Variants in LPAR5 observed in about 807,000 individuals in gnomAD.
LPAR5 encodes lysophosphatidic acid receptor 5.
For synonymous variants in LPAR5, 271 were observed against 261.6 expected, an observed-to-expected ratio of 1.04 and a Z score of -0.35; for missense variants, 544 against 521.8, an observed-to-expected ratio of 1.04 and a Z score of -0.41.
intron 1 of LPAR5, among the ~76,000 whole-genome samples, chr12:6,622,792 A>G (rs558024958): frequency 1.3e-5 from 2 of 152,144 alleles, no homozygotes; most frequent in Non-Finnish European, 2.9e-5. Flanking sequence ...TTAGCCAGGC[A>G]TTGTGGCACA....
intron 1 of LPAR5, among the ~76,000 whole-genome samples, chr12:6,630,046 G>A: frequency 6.6e-6 from 1 of 151,906 alleles, no homozygotes; most frequent in African/African-American, 2.4e-5. Context: ...ATAAATAAAT[G>A]TAAAGGTATA....
In LPAR5 at chr12:6,620,144, C is replaced by G. The variant is rs1413138018; in HGVS notation, c.1105G>C (p.Asp369His). 1 of 1,613,662 alleles carries G rather than the reference C, an allele frequency of 6.2e-7. No homozygotes were observed. The highest frequency in any genetic ancestry group is 1.1e-5 in the South Asian group (1 of 91,066). Residue 369 changes from aspartate (D) to histidine (H), a missense_variant, in exon 2 of 2, where the codon GAT becomes CAT. By Grantham distance (81) the Asp-to-His change is moderately conservative (BLOSUM62 -1). Transcript: ENST00000329858. This position sits in a 1 kb window ranked among gnomAD's most constrained non-coding sequence, Gnocchi z 6.8. ...GGCATGTGTGTTCAGAGGGCGGAAT[C>G]CTGGGGACACTGTGTGAAGGAAGAC... ...SLSSFTQCPQ[D>H]SAL
intron 1 of LPAR5, among the ~76,000 whole-genome samples, chr12:6,631,265 C>T (rs969778287): frequency 6.6e-6 from 1 of 152,210 alleles, no homozygotes; most frequent in Admixed American, 6.5e-5. Flanking sequence ...TAACATAGAA[C>T]TCAGTGTCTA....
At chr12:6,633,249 TC>T (rs1000733433) in intron 1 of LPAR5, among the ~76,000 whole-genome samples, 48 of 152,164 alleles carry the variant, frequency 3.2e-4, no homozygotes, top group Non-Finnish European at 1.9e-4. Flanking sequence ...CTGACCTGTG[TC>T]CTGAGGTGGT....
At chr12:6,625,150 G>A (rs867817282) in intron 1 of LPAR5, among the ~76,000 whole-genome samples, 1 of 152,126 alleles carries the variant, frequency 6.6e-6, no homozygotes, top group African/African-American at 2.4e-5. Context: ...TTTAGGCCGG[G>A]CGTGGTGGTT....
intron 1 of LPAR5, among the ~76,000 whole-genome samples, chr12:6,628,447 C>CTTCT: frequency 7.4e-6 from 1 of 134,538 alleles, no homozygotes; most frequent in African/African-American, 2.9e-5. Flanking sequence ...TCTTTCTTTC[C>CTTCT]TTCCTTCCTT....
chr12:6,621,178 A>G lies in LPAR5; in HGVS notation c.71T>C (p.Leu24Pro). The G allele has an allele frequency of 6.4e-7, 1 of 1,572,944 alleles. No homozygotes were observed. Among genetic ancestry groups the G allele is most frequent in the Non-Finnish European group, 8.6e-7 (1 of 1,159,662 alleles). Residue 24 changes from leucine to proline, a missense_variant, in exon 2 of 2, where the codon CTG becomes CCG. Transcript: ENST00000329858. Reference protein sequence around the residue: ...PCPDYRPTHRLHLVVYSLVLA... With the variant: ...PCPDYRPTHRPHLVVYSLVLA... ...CACCAAGCTGTAGACCACCAAGTGC[A>G]GGCGGTGGGTAGGTCGGTAGTCAGG...
intron 1 of LPAR5, among the ~76,000 whole-genome samples, chr12:6,630,569 C>T (rs1045616401): frequency 2.0e-5 from 3 of 149,044 alleles, no homozygotes; most frequent in African/African-American, 7.4e-5. Context: ...TCTCTTGTCT[C>T]AGCCTCCTGA....
At chr12:6,626,645 C>G (rs1948942103) in intron 1 of LPAR5, among the ~76,000 whole-genome samples, 2 of 152,204 alleles carry the variant, frequency 1.3e-5, no homozygotes, top group South Asian at 2.1e-4. Flanking sequence ...TTGCTCCATT[C>G]ACACCAAACT....
rs969555821 is a variant in LPAR5, at chr12:6,619,604, G to A, written c.*526C>T. ...ACTATGCGAGAAAGAATGTAGTTCT[G>A]TCCATAGGAACTCTTGTATTAGGCC... On this transcript the variant is annotated 3_prime_UTR_variant, in exon 2 of 2. Transcript: ENST00000329858. 1.6e-4 allele frequency: 44 copies of A among 271,938 alleles called. No homozygotes were observed. Among genetic ancestry groups the A allele is most frequent in the Non-Finnish European group, 3.7e-5 (5 of 135,004 alleles). The allele number at this position is 271,938 out of a possible 1,614,324, so 16.8% of individuals were successfully genotyped here. A position where few individuals can be genotyped will look rare whatever the true frequency, so the allele number is the denominator to read the frequency against.
At position 6,620,728 on chromosome 12, in the gene LPAR5, A is replaced by G. The variant is rs762883168; in HGVS notation, c.521T>C (p.Leu174Pro). ...CTCGTCGCTGAAGCTCTCGAAGCAT[A>G]GGCGCACCTCGAGGTCCCGGTAGCG... ...RCRYRDLEVR[L>P]CFESFSDELW... Residue 174 changes from leucine (L) to proline (P), a missense_variant, in exon 2 of 2, where the codon CTA becomes CCA. By Grantham distance (98) the Leu-to-Pro change is moderately conservative (BLOSUM62 -3). Transcript: ENST00000329858. The surrounding 1 kb of genome is among the most constrained non-coding windows in gnomAD (Gnocchi z 6.8). 1.3e-6 allele frequency: 2 copies of G among 1,587,420 alleles called. No individual in the cohort carries two copies. The highest frequency in any genetic ancestry group is 1.7e-6 in the Non-Finnish European group (2 of 1,166,980).
At chr12:6,624,610 T>C (rs1193017975) in intron 1 of LPAR5, among the ~76,000 whole-genome samples, 2 of 151,742 alleles carry the variant, frequency 1.3e-5, no homozygotes, top group African/African-American at 2.4e-5. Flanking sequence ...AAGGAATTTC[T>C]TTTTTTTTCT....
intron 1 of LPAR5, among the ~76,000 whole-genome samples, chr12:6,625,392 G>A (rs139538304): frequency 8.1e-6 from 1 of 122,968 alleles, no homozygotes; most frequent in Non-Finnish European, 1.6e-5. Context: ...GCCACTGCAC[G>A]CCAGCCTGGG....
intron 1 of LPAR5, among the ~76,000 whole-genome samples, chr12:6,631,963 C>G (rs890572986): frequency 6.6e-6 from 1 of 152,102 alleles, no homozygotes; most frequent in African/African-American, 2.4e-5. Context: ...TCCTTTCTTT[C>G]TTTCCGTTTT....
At position 6,621,395 on chromosome 12, in the gene LPAR5, TATGGCTGCAGGGACAG is replaced by T. The variant is rs940586299; in HGVS notation, c.-163_-148del. On this transcript the variant is annotated 5_prime_UTR_variant, in exon 2 of 2. Coordinates refer to ENST00000329858, the MANE Select transcript of LPAR5 (RefSeq NM_020400.6). ...AGAGGGAGGTCATGGGAATGTGGGC[TATGGCTGCAGGGACAG>T]ATGGCTGCCAAGGGTTGGGTGCGTT... The T allele has an allele frequency of 1.4e-5, 11 of 760,948 alleles. No individual in the cohort carries two copies. In the Admixed American group the frequency reaches 4.0e-4, roughly 28 times the overall value. 47.1% of individuals were successfully genotyped at this position (760,948 alleles called of 1,614,324 possible).
intron 1 of LPAR5, among the ~76,000 whole-genome samples, chr12:6,635,400 A>G (rs548982271): frequency 1.6e-4 from 24 of 152,304 alleles, no homozygotes; most frequent in African/African-American, 5.5e-4. Flanking sequence ...ACCCCATTAC[A>G]GTACACCTTG....
Position 6,619,856 on chromosome 12 carries a change from C to T in LPAR5, c.*274G>A. 1.6e-6 allele frequency: 1 copy of T among 631,294 alleles called. No homozygotes were observed. The highest frequency in any genetic ancestry group is 1.6e-5 in the South Asian group (1 of 62,860). The allele number at this position is 631,294 out of a possible 1,614,324, so 39.1% of individuals were successfully genotyped here. A position where few individuals can be genotyped will look rare whatever the true frequency, so the allele number is the denominator to read the frequency against. On this transcript the variant is annotated 3_prime_UTR_variant, in exon 2 of 2. Coordinates refer to ENST00000329858, the MANE Select transcript of LPAR5 (RefSeq NM_020400.6). ...CCTGCCCACCCAAAGGCATTTCGTC[C>T]TCTTCTGCCCTCTGCACGGGTGGGC...
chr12:6,633,620 C>G (rs1948994435), intron 1 of LPAR5, among the ~76,000 whole-genome samples: 1 of 152,150 alleles, frequency 6.6e-6, no homozygotes, highest in African/African-American at 2.4e-5. Flanking sequence ...ACTGTGTTGG[C>G]CAGGCTGGTC....
intron 1 of LPAR5, among the ~76,000 whole-genome samples, chr12:6,625,895 A>G (rs2136242583): frequency 6.6e-6 from 1 of 152,260 alleles, no homozygotes; most frequent in African/African-American, 2.4e-5. Context: ...CTGAACTCCC[A>G]GATTCAAGTG....
Sources: allele counts gnomAD v4.1 joint callset (sites outside exome capture counted in the v4.1 genomes callset), GRCh38; gene constraint gnomAD v4.1.1; non-coding constraint Gnocchi (gnomAD v3.1); transcripts MANE v1.5; gene names NCBI Gene and HGNC (gene_info 2026-07-23, HGNC 2026-07-21).